The following SLC16A10 variants were observed in gnomAD, a reference collection of about 807,000 sequenced individuals.
The protein encoded by SLC16A10 is monocarboxylate transporter 10.
Under a neutral mutation model 40.0 loss-of-function variants are expected in SLC16A10, and 27 were observed. The ratio of observed to expected loss-of-function variants is 0.67; its 90% CI spans 0.50 to 0.93. The LOEUF is 0.93. Among genes scored for constraint, SLC16A10 ranks in the 40% least tolerant of loss-of-function variants. SLC16A10 has a pLI of 0.00. For synonymous variants in SLC16A10, 213 were observed against 249.8 expected, an observed-to-expected ratio of 0.85 and a Z score of 1.39; for missense variants, 529 against 658.2, an observed-to-expected ratio of 0.80 and a Z score of 2.15.
At chr6:111,148,367 T>C (rs1304375638) in intron 1 of SLC16A10, among the ~76,000 whole-genome samples, 2 of 152,236 alleles carry the variant, frequency 1.3e-5, no homozygotes, top group Non-Finnish European at 1.5e-5. Flanking sequence ...TCTTAACTTC[T>C]TGCTATTCAA....
At chr6:111,140,121 T>C (rs986630852) in intron 1 of SLC16A10, among the ~76,000 whole-genome samples, 2 of 152,204 alleles carry the variant, frequency 1.3e-5, no homozygotes, top group African/African-American at 4.8e-5. Flanking sequence ...TGTTTATCTA[T>C]GTAACAAACC....
intron 1 of SLC16A10, among the ~76,000 whole-genome samples, chr6:111,160,270 ACT>A (rs1227452173): frequency 6.6e-6 from 1 of 152,088 alleles, no homozygotes; most frequent in East Asian, 1.9e-4. Context: ...ACAGAGTCTC[ACT>A]CTGTTGCCCA....
At chr6:111,092,326 T>TG (rs145062519) in intron 1 of SLC16A10, among the ~76,000 whole-genome samples, 13,199 of 144,134 alleles carry the variant, frequency 0.092, 724 homozygotes, top group Non-Finnish European at 0.13. Context: ...TTTTTTTTTT[T>TG]TTTTTTTTTT....
At chr6:111,112,170 C>A (rs1192586964) in intron 1 of SLC16A10, among the ~76,000 whole-genome samples, 1 of 152,126 alleles carries the variant, frequency 6.6e-6, no homozygotes, top group African/African-American at 2.4e-5. Flanking sequence ...GCTAGGACTA[C>A]ATGCATGCAC....
chr6:111,113,912 A>G (rs12524236), intron 1 of SLC16A10, among the ~76,000 whole-genome samples: 12 of 152,136 alleles, frequency 7.9e-5, no homozygotes, highest in Admixed American at 7.2e-4. Context: ...TGCGTGGCTG[A>G]TATGAGCAGC....
chr6:111,099,989 G>T (rs572703832), intron 1 of SLC16A10, among the ~76,000 whole-genome samples: 1 of 143,844 alleles, frequency 7.0e-6, no homozygotes, highest in Non-Finnish European at 1.5e-5. Context: ...TCCACTGCCC[G>T]CCAGCCTGGG....
At chr6:111,152,909 T>C (rs551248072) in intron 1 of SLC16A10, among the ~76,000 whole-genome samples, 1 of 152,372 alleles carries the variant, frequency 6.6e-6, no homozygotes, top group Admixed American at 6.5e-5. Flanking sequence ...GTGTAAGGCA[T>C]GGTGGCAACA....
chr6:111,174,378 C>A (rs187050599), intron 2 of SLC16A10, among the ~76,000 whole-genome samples: 3 of 151,564 alleles, frequency 2.0e-5, no homozygotes, highest in East Asian at 1.9e-4. Flanking sequence ...CACCCCCCAA[C>A]ACACATCCCT....
intron 3 of SLC16A10, among the ~76,000 whole-genome samples, chr6:111,200,091 C>A (rs542713982): frequency 1.3e-5 from 2 of 152,202 alleles, no homozygotes; most frequent in South Asian, 2.1e-4. Context: ...TTTAAAAAAA[C>A]AAACAACCAA....
chr6:111,102,797 T>G (rs1254902604), intron 1 of SLC16A10, among the ~76,000 whole-genome samples: 3 of 152,334 alleles, frequency 2.0e-5, no homozygotes, highest in African/African-American at 7.2e-5. Context: ...TCTTAATCTC[T>G]TTCAGTGCTA....
chr6:111,158,070 A>G (rs1192369401), intron 1 of SLC16A10, among the ~76,000 whole-genome samples: 2 of 152,098 alleles, frequency 1.3e-5, no homozygotes, highest in Admixed American at 1.3e-4. Flanking sequence ...TTTTTATTTA[A>G]TGTTTTAAAA....
At chr6:111,109,911 T>C (rs573042658) in intron 1 of SLC16A10, among the ~76,000 whole-genome samples, 1 of 152,298 alleles carries the variant, frequency 6.6e-6, no homozygotes, top group East Asian at 1.9e-4. Context: ...TTAAATTTTG[T>C]TCTGTATTAT....
chr6:111,221,153 TATAAGAG>T (rs1770881021), intron 5 of SLC16A10, among the ~76,000 whole-genome samples: 3 of 152,214 alleles, frequency 2.0e-5, no homozygotes, highest in Non-Finnish European at 4.4e-5. Flanking sequence ...TAGTATAAGT[TATAAGAG>T]TTTAAAAACA....
intron 3 of SLC16A10, among the ~76,000 whole-genome samples, chr6:111,188,133 A>C (rs1166360757): frequency 5.9e-5 from 9 of 152,270 alleles, no homozygotes; most frequent in Admixed American, 5.2e-4. Flanking sequence ...GTAACTGAAG[A>C]GTTGCCCTAT....
Position 111,087,689 on chromosome 6 carries a change from G to C in SLC16A10, c.-64G>C. ...CCGCCAGGAGCCCCGCAGCTCCTCC[G>C]GGAGCCCGCTGGTAACTCGCGTCCC... On this transcript the variant is annotated 5_prime_UTR_variant, in exon 1 of 6. Coordinates refer to ENST00000368851, the MANE Select transcript of SLC16A10 (RefSeq NM_018593.5). 1 of 982,802 alleles carries C rather than the reference G, an allele frequency of 1.0e-6. No individual in the cohort carries two copies. The highest frequency in any genetic ancestry group is 1.3e-6 in the Non-Finnish European group (1 of 771,608). 60.9% of individuals were successfully genotyped at this position (982,802 alleles called of 1,614,324 possible).
At chr6:111,090,899 TTC>T (rs1235118705) in intron 1 of SLC16A10, among the ~76,000 whole-genome samples, 1 of 152,242 alleles carries the variant, frequency 6.6e-6, no homozygotes, top group African/African-American at 2.4e-5. Context: ...GTACAGCTAG[TTC>T]TGTCTCCTTG....
At chr6:111,203,127 C>A (rs574741032) in intron 3 of SLC16A10, among the ~76,000 whole-genome samples, 1 of 152,108 alleles carries the variant, frequency 6.6e-6, no homozygotes, top group East Asian at 1.9e-4. Context: ...TAGAAATATC[C>A]ATTTTGTCCT....
At chr6:111,137,670 T>C (rs1045062852) in intron 1 of SLC16A10, among the ~76,000 whole-genome samples, 2 of 152,208 alleles carry the variant, frequency 1.3e-5, no homozygotes, top group African/African-American at 4.8e-5. Context: ...GTTGCACCAG[T>C]TCAGCAGGAA....
intron 1 of SLC16A10, among the ~76,000 whole-genome samples, chr6:111,098,112 G>C (rs1188214447): frequency 6.6e-6 from 1 of 152,140 alleles, no homozygotes; most frequent in East Asian, 1.9e-4. Flanking sequence ...TTAGAGACCA[G>C]CCTGACCAAC....
Sources: allele counts gnomAD v4.1 joint callset (sites outside exome capture counted in the v4.1 genomes callset), GRCh38; gene constraint gnomAD v4.1.1; transcripts MANE v1.5; gene names NCBI Gene and HGNC (gene_info 2026-07-23, HGNC 2026-07-21).